The following MAP4 variants were observed in gnomAD, a reference collection of about 807,000 sequenced individuals.
MAP4 encodes the protein microtubule-associated protein 4.
A neutral mutation model predicts 170.2 loss-of-function variants in MAP4; 76 were observed. That is an observed-to-expected ratio of 0.45 (90% confidence interval 0.37 to 0.54). The LOEUF is 0.54. MAP4 is among the 20% of genes least tolerant of loss of function. MAP4 has a pLI of 0.00. For missense variants in MAP4, 2,506 were observed against 2,748.0 expected, an observed-to-expected ratio of 0.91 and a Z score of 1.97; for synonymous variants, 909 against 994.5, an observed-to-expected ratio of 0.91 and a Z score of 1.62.
chr3:47,960,162 CAG>C (rs911641668), intron 3 of MAP4, among the ~76,000 whole-genome samples: 2 of 152,200 alleles, frequency 1.3e-5, no homozygotes, highest in East Asian at 1.9e-4. Flanking sequence ...CATGCCCGGG[CAG>C]AGTTATGCCC....
intron 17 of MAP4, among the ~76,000 whole-genome samples, chr3:47,862,766 C>T (rs950913165): frequency 2.6e-5 from 4 of 152,084 alleles, no homozygotes; most frequent in Admixed American, 6.6e-5. Context: ...TGTGAGCCAC[C>T]GCGCCCAGCT....
intron 1 of MAP4, among the ~76,000 whole-genome samples, chr3:48,074,720 G>GA (rs1180898988): frequency 6.0e-5 from 9 of 150,140 alleles, no homozygotes; most frequent in African/African-American, 2.0e-4. Context: ...GTGTGTGTGT[G>GA]TGTGTGATAT....
intron 1 of MAP4, among the ~76,000 whole-genome samples, chr3:48,076,606 G>A (rs2100144045): frequency 6.6e-6 from 1 of 151,904 alleles, no homozygotes; most frequent in Admixed American, 6.6e-5. Context: ...TTGAGCCTGA[G>A]AGGTGGAGGC....
chr3:47,911,436 C>T lies in MAP4; in HGVS notation c.2985G>A (p.Met995Ile), dbSNP rs1399886681. 6.5e-7 allele frequency: 1 copy of T among 1,535,946 alleles called. No homozygotes were observed. Among genetic ancestry groups the T allele is most frequent in the African/African-American group, 1.4e-5 (1 of 73,040 alleles). The change falls in exon 9 of 21, where the codon ATG becomes ATA. Residue 995 changes from methionine (M) to isoleucine (I), a missense_variant. Coordinates refer to ENST00000683076, the MANE Select transcript of MAP4 (RefSeq NM_001385682.1). The surrounding 1 kb of genome is among the most constrained non-coding windows in gnomAD (Gnocchi z 4.0). ...TCAGTTTGACATTCTGCAGTTTAGT[C>T]ATTTTACTTTCATTATTCCCTTCTT... ...NLKEGNNESK[M>I]TKLQNVKLKE...
rs374474458 is a variant in MAP4, at chr3:48,022,560, G to A, written c.-19-23681C>T. Among the ~76,000 whole-genome samples the A allele has an allele frequency of 8.5e-5, 13 of 152,254 alleles. No homozygotes were observed. In the East Asian group the frequency reaches 2.5e-3, roughly 29 times the overall value. On this transcript the variant is annotated intron_variant, in intron 1 of 18. Coordinates refer to the MAP4 transcript ENST00000360240. ...TTTTTACAGCCAACTCATCCATTAA[G>A]TGAAGGCTAAAATGGGAAATTCAAA... is the stretch of plus-strand genomic sequence containing the variant.
At chr3:47,966,150 T>G (rs115900538) in intron 3 of MAP4, among the ~76,000 whole-genome samples, 329 of 149,860 alleles carry the variant, frequency 2.2e-3, no homozygotes, top group African/African-American at 7.8e-3. Flanking sequence ...CATAGCTCAC[T>G]GCAGCCTTGA....
At chr3:47,894,078 A>G (rs1189398512) in intron 10 of MAP4, among the ~76,000 whole-genome samples, 1 of 152,126 alleles carries the variant, frequency 6.6e-6, no homozygotes, top group Non-Finnish European at 1.5e-5. Context: ...ATGCTGAAAA[A>G]AAAAAACTGA....
At chr3:47,942,997 C>G (rs750435865) in intron 3 of MAP4, among the ~76,000 whole-genome samples, 5 of 151,894 alleles carry the variant, frequency 3.3e-5, no homozygotes, top group Non-Finnish European at 7.4e-5. Context: ...ACCTGTCGTC[C>G]CAGTTACTTT....
intron 1 of MAP4, among the ~76,000 whole-genome samples, chr3:48,049,981 C>T (rs1186598005): frequency 1.3e-5 from 2 of 151,154 alleles, no homozygotes; most frequent in Admixed American, 6.6e-5. Flanking sequence ...AATTTTTGGC[C>T]GGGTGCAGTG....
chr3:47,916,841 G>A lies in MAP4; in HGVS notation c.986C>T (p.Ser329Phe), dbSNP rs371100364. 2.0e-5 allele frequency: 32 copies of A among 1,614,098 alleles called. No individual in the cohort carries two copies. The highest frequency in any genetic ancestry group is 1.6e-4 in the Middle Eastern group (1 of 6,084). Reference sequence around the variant, plus strand: ...GGGCAGTACCACATTCTTGGCTGAAGATACATCTGTTTCTGTGGGCCATCT... The same window carrying A: ...GGGCAGTACCACATTCTTGGCTGAAAATACATCTGTTTCTGTGGGCCATCT... ...DVRWPTETDVSSAKNVVLPTE... is the reference protein window; with the variant it reads ...DVRWPTETDVFSAKNVVLPTE... Residue 329 changes from serine (S) to phenylalanine (F), a missense_variant, in exon 7 of 21, where the codon TCT (serine) becomes TTT (phenylalanine). Around this residue, in one of 3 missense-constraint regions of MAP4, gnomAD observed 2,008 missense variants for 2,206.0 expected, o/e 0.91. Coordinates refer to ENST00000683076, the MANE Select transcript of MAP4 (RefSeq NM_001385682.1).
At chr3:48,033,273 T>A (rs1405799363) in intron 1 of MAP4, among the ~76,000 whole-genome samples, 1 of 152,242 alleles carries the variant, frequency 6.6e-6, no homozygotes, top group Non-Finnish European at 1.5e-5. Context: ...TAAGTCCAGC[T>A]ATATCTATGT....
intron 2 of MAP4, among the ~76,000 whole-genome samples, chr3:47,998,037 T>C (rs548554887): frequency 2.0e-5 from 3 of 152,314 alleles, no homozygotes; most frequent in Non-Finnish European, 4.4e-5. Context: ...CTATGCAAAC[T>C]ATTCTAGAAA....
Position 48,011,424 on chromosome 3 carries a change from G to A in MAP4, c.-20+4910C>T, listed in dbSNP as rs1009102379. On this transcript the variant is annotated intron_variant, in intron 1 of 20. Coordinates refer to ENST00000683076, the MANE Select transcript of MAP4 (RefSeq NM_001385682.1). ...CTGATTTTTATTATTTAGATGGTAT[G>A]CACCTGTAATCCCAGCTACTCAGGA... Among the ~76,000 whole-genome samples the A allele has an allele frequency of 5.3e-5, 8 of 152,100 alleles. No homozygotes were observed. In the East Asian group the frequency reaches 1.5e-3, roughly 29 times the overall value.
chr3:48,010,568 T>G (rs1437613946), intron 1 of MAP4, among the ~76,000 whole-genome samples: 1 of 152,148 alleles, frequency 6.6e-6, no homozygotes, highest in Non-Finnish European at 1.5e-5. Flanking sequence ...TATTTTAAGA[T>G]TACATACGAT....
chr3:47,901,377 A>G (rs2153343466), intron 10 of MAP4, among the ~76,000 whole-genome samples: 1 of 152,344 alleles, frequency 6.6e-6, no homozygotes, highest in South Asian at 2.1e-4. Context: ...ACTAAAAAGT[A>G]CAAATCATGC....
intron 1 of MAP4, among the ~76,000 whole-genome samples, chr3:48,022,890 CA>C (rs2100111256): frequency 2.4e-5 from 2 of 83,096 alleles, no homozygotes; most frequent in South Asian, 3.5e-4. Context: ...CACTCCATCT[CA>C]GGGGGGAAAA....
Position 47,853,851 on chromosome 3 carries a change from G to A in MAP4, c.6697-499C>T, listed in dbSNP as rs186776092. On this transcript the variant is annotated intron_variant, in intron 19 of 20. Coordinates refer to ENST00000683076, the MANE Select transcript of MAP4 (RefSeq NM_001385682.1). ...ACACAGGTGCTGAGGCCTTGTCTGT[G>A]CGGGGCACCATTCTGGGACCAGGGG... Among the ~76,000 whole-genome samples the A allele has an allele frequency of 2.2e-4, 33 of 152,276 alleles. 1 individual carries two copies. In the South Asian group the frequency reaches 5.6e-3, roughly 26 times the overall value.
chr3:47,991,010 A>T (rs2100091807), intron 2 of MAP4, among the ~76,000 whole-genome samples: 1 of 152,218 alleles, frequency 6.6e-6, no homozygotes, highest in Non-Finnish European at 1.5e-5. Flanking sequence ...GCTAAGATAA[A>T]ATACTTGTAG....
At chr3:47,896,445 C>T (rs887463529) in intron 10 of MAP4, among the ~76,000 whole-genome samples, 1 of 152,138 alleles carries the variant, frequency 6.6e-6, no homozygotes, top group African/African-American at 2.4e-5. Context: ...AGGAGAATCG[C>T]TTGAACCCGG....
Sources: gnomAD v4.1 joint callset for allele counts (sites outside exome capture counted in the v4.1 genomes callset) on GRCh38, gnomAD v4.1.1 for gene constraint, gnomAD v4.1.1 regional missense constraint, Gnocchi (gnomAD v3.1) non-coding constraint, MANE v1.5 for transcripts, NCBI Gene and HGNC (gene_info 2026-07-23, HGNC 2026-07-21) for gene names.